Variants in UBE2E3 observed in about 807,000 individuals in gnomAD.
UBE2E3 encodes ubiquitin conjugating enzyme E2 E3.
Under a neutral mutation model 23.6 loss-of-function variants are expected in UBE2E3, and 5 were observed. The ratio of observed to expected loss-of-function variants is 0.21; its 90% CI spans 0.11 to 0.44. The LOEUF is 0.44. UBE2E3 is among the 20% of genes least tolerant of loss of function. UBE2E3 has a pLI of 0.99. For synonymous variants in UBE2E3, 78 were observed against 87.5 expected, an observed-to-expected ratio of 0.89 and a Z score of 0.60; for missense variants, 81 against 249.8, an observed-to-expected ratio of 0.32 and a Z score of 4.55.
intron 3 of UBE2E3, among the ~76,000 whole-genome samples, chr2:181,052,695 G>A (rs927901405): frequency 6.6e-6 from 1 of 151,638 alleles, no homozygotes; most frequent in African/African-American, 2.4e-5. Flanking sequence ...CTCCTTTCCT[G>A]TTTACCTCCC....
At chr2:181,036,324 C>T (rs868218831) in intron 3 of UBE2E3, among the ~76,000 whole-genome samples, 4 of 152,080 alleles carry the variant, frequency 2.6e-5, no homozygotes, top group East Asian at 3.9e-4. Flanking sequence ...GAAAGGATTT[C>T]GACATAAAGT....
intron 3 of UBE2E3, among the ~76,000 whole-genome samples, chr2:180,989,491 A>G (rs1344360059): frequency 1.3e-5 from 2 of 152,150 alleles, no homozygotes; most frequent in African/African-American, 4.8e-5. Flanking sequence ...CTTAATATTT[A>G]ATAACCTATT....
rs184356117 is a variant in UBE2E3 at position 181,003,446 on chromosome 2, C to T, written c.245+19353C>T. 1.1e-3 allele frequency among the ~76,000 whole-genome samples: 161 copies of T among 146,850 alleles called. 1 individual carries two copies. In the East Asian group the frequency reaches 0.028, roughly 25 times the overall value. On this transcript the variant is annotated intron_variant, in intron 3 of 5. Coordinates refer to ENST00000410062, the MANE Select transcript of UBE2E3 (RefSeq NM_006357.4). ...TAACTTTAAATCAAATTATTTATGT[C>T]TACTTTTGAAGAACTTCCAGGGGGG...
chr2:180,993,636 C>G (rs1433924088), intron 3 of UBE2E3, among the ~76,000 whole-genome samples: 3 of 152,126 alleles, frequency 2.0e-5, no homozygotes, highest in South Asian at 2.1e-4. Context: ...ACTGTTTATT[C>G]CCTTTCTGAG....
At chr2:181,034,076 G>C (rs1265567612) in intron 3 of UBE2E3, among the ~76,000 whole-genome samples, 1 of 152,186 alleles carries the variant, frequency 6.6e-6, no homozygotes, top group African/African-American at 2.4e-5. Flanking sequence ...TACACTGTTG[G>C]TGGGACTGTA....
chr2:180,990,636 C>A (rs1684628574), intron 3 of UBE2E3, among the ~76,000 whole-genome samples: 1 of 152,190 alleles, frequency 6.6e-6, no homozygotes, highest in African/African-American at 2.4e-5. Flanking sequence ...GAAATGCTTA[C>A]AGCAGTATTT....
Position 181,044,676 on chromosome 2 carries a change from A to G in UBE2E3, c.246-13017A>G, listed in dbSNP as rs1559133452. On this transcript the variant is annotated intron_variant, in intron 3 of 5. Coordinates refer to ENST00000410062, the MANE Select transcript of UBE2E3 (RefSeq NM_006357.4). Reference sequence around the variant, plus strand: ...TTTATGTCACTAGATTAGTGTATTGATCTTCTTAATGCATCTTTTGTTGTT... The same window carrying G: ...TTTATGTCACTAGATTAGTGTATTGGTCTTCTTAATGCATCTTTTGTTGTT... Among the ~76,000 whole-genome samples the G allele has an allele frequency of 2.0e-5, 3 of 152,234 alleles. No homozygotes were observed. The South Asian group carries it at 6.2e-4, about 32-fold the overall frequency.
At chr2:181,051,981 A>G (rs181815184) in intron 3 of UBE2E3, among the ~76,000 whole-genome samples, 19 of 152,018 alleles carry the variant, frequency 1.2e-4, no homozygotes, top group African/African-American at 4.3e-4. Flanking sequence ...GACACTGGAT[A>G]CATTTCTGAG....
intron 3 of UBE2E3, among the ~76,000 whole-genome samples, chr2:181,011,367 A>G (rs1685323340): frequency 6.6e-6 from 1 of 152,028 alleles, no homozygotes; most frequent in South Asian, 2.1e-4. Flanking sequence ...ACTGCACACA[A>G]GGGCAAAAGG....
chr2:180,985,515 A>G (rs377521895), intron 3 of UBE2E3, among the ~76,000 whole-genome samples: 1 of 152,136 alleles, frequency 6.6e-6, no homozygotes, highest in African/African-American at 2.4e-5. Context: ...TACTATGTTA[A>G]TATGTTATTA....
intron 5 of UBE2E3, 61 bp downstream of exon 5, chr2:181,060,873 T>A (rs1687131284): frequency 1.6e-6 from 2 of 1,258,124 alleles, no homozygotes; most frequent in Non-Finnish European, 2.1e-6. Context: ...TTTTTTTTTT[T>A]TTTTTTTTTT....
intron 3 of UBE2E3, among the ~76,000 whole-genome samples, chr2:180,999,998 GC>G (rs2105589964): frequency 6.6e-6 from 1 of 152,250 alleles, no homozygotes; most frequent in South Asian, 2.1e-4. Flanking sequence ...AGTGGTTCTG[GC>G]CCACAAATAG....
chr2:181,057,883 T>C (rs1687030609), intron 4 of UBE2E3, 58 bp downstream of exon 4: 2 of 1,554,654 alleles, frequency 1.3e-6, no homozygotes, highest in Non-Finnish European at 1.8e-6. Context: ...AAATCGGTTA[T>C]TCTAGAACTT....
At chr2:181,016,859 C>T (rs1685506805) in intron 3 of UBE2E3, among the ~76,000 whole-genome samples, 3 of 152,166 alleles carry the variant, frequency 2.0e-5, no homozygotes, top group African/African-American at 7.2e-5. Flanking sequence ...TCTTTCTCCC[C>T]TCATGGGCAG....
intron 3 of UBE2E3, among the ~76,000 whole-genome samples, chr2:181,005,933 T>A (rs539364492): frequency 6.6e-6 from 1 of 152,312 alleles, no homozygotes; most frequent in African/African-American, 2.4e-5. Context: ...TTCTGGCAAT[T>A]TCTTAGAAGA....
At chr2:180,994,066 A>T (rs1684756124) in intron 3 of UBE2E3, among the ~76,000 whole-genome samples, 1 of 152,208 alleles carries the variant, frequency 6.6e-6, no homozygotes, top group Non-Finnish European at 1.5e-5. Context: ...AGTTTTAACT[A>T]GTGTGCCTTT....
chr2:181,041,045 C>G (rs1686477955), intron 3 of UBE2E3, among the ~76,000 whole-genome samples: 1 of 151,838 alleles, frequency 6.6e-6, no homozygotes, highest in South Asian at 2.1e-4. Context: ...GTCAGGAGAT[C>G]AAAACCATCC....
intron 3 of UBE2E3, among the ~76,000 whole-genome samples, chr2:181,056,785 A>G (rs183421800): frequency 9.9e-5 from 15 of 151,892 alleles, no homozygotes; most frequent in Admixed American, 8.5e-4. Context: ...GTCTGTCCAA[A>G]TATTGCTTAT....
chr2:181,048,891 A>G (rs1452938550), intron 3 of UBE2E3, among the ~76,000 whole-genome samples: 1 of 152,076 alleles, frequency 6.6e-6, no homozygotes, highest in African/African-American at 2.4e-5. Context: ...TGTACTTCAT[A>G]TAATTAAATT....
Sources: gnomAD v4.1 joint callset for allele counts (sites outside exome capture counted in the v4.1 genomes callset) on GRCh38, gnomAD v4.1.1 for gene constraint, MANE v1.5 for transcripts, NCBI Gene and HGNC (gene_info 2026-07-23, HGNC 2026-07-21) for gene names.